Variants in VAMP7 observed in about 807,000 individuals in gnomAD.
VAMP7 encodes the protein vesicle-associated membrane protein 7.
VAMP7 carries 14 observed loss-of-function variants against 29.6 expected under a neutral mutation model. The ratio of observed to expected loss-of-function variants is 0.47; its 90% CI spans 0.31 to 0.74. The LOEUF (loss-of-function observed/expected upper bound fraction) is 0.74. Among genes scored for constraint, VAMP7 ranks in the 30% least tolerant of loss-of-function variants. The pLI is 0.05. For missense variants in VAMP7, 223 were observed against 262.4 expected (o/e 0.85, Z 1.04); for synonymous variants, 95 against 88.1 (o/e 1.08, Z -0.44).
intron 5 of VAMP7, among the ~76,000 whole-genome samples, chrX:155,909,650 G>T (rs368814245): frequency 2.1e-4 from 32 of 152,272 alleles, no homozygotes; most frequent in African/African-American, 7.7e-4. Context: ...TTAAACAACA[G>T]AAATTTATTT....
intron 5 of VAMP7, among the ~76,000 whole-genome samples, chrX:155,914,620 CAT>C (rs1331904852): frequency 3.3e-5 from 5 of 152,130 alleles, no homozygotes; most frequent in Admixed American, 3.3e-4. Flanking sequence ...TTGAGATAAT[CAT>C]GTGGTTTTTG....
chrX:155,884,923 A>G (rs1381956484), intron 1 of VAMP7, among the ~76,000 whole-genome samples: 2 of 152,292 alleles, frequency 1.3e-5, no homozygotes, highest in East Asian at 3.9e-4. Context: ...AATACAGGCA[A>G]TTTCTTACTT....
At chrX:155,932,269 A>G (rs1202371094) in intron 6 of VAMP7, among the ~76,000 whole-genome samples, 1 of 152,142 alleles carries the variant, frequency 6.6e-6, no homozygotes, top group East Asian at 1.9e-4. Context: ...CTTGATAGGG[A>G]TGGCATTGAA....
intron 5 of VAMP7, among the ~76,000 whole-genome samples, chrX:155,916,052 A>G (rs1472646578): frequency 6.6e-6 from 1 of 152,188 alleles, no homozygotes; most frequent in African/African-American, 2.4e-5. Context: ...TATTGGGTGC[A>G]TATATATTTA....
intron 6 of VAMP7, among the ~76,000 whole-genome samples, chrX:155,937,271 C>A (rs1313862692): frequency 6.6e-6 from 1 of 151,916 alleles, no homozygotes; most frequent in Non-Finnish European, 1.5e-5. Flanking sequence ...GGGTGGGAGA[C>A]CTGGAGAGAT....
At chrX:155,890,536 T>A (rs2065914910) in intron 2 of VAMP7, among the ~76,000 whole-genome samples, 1 of 151,960 alleles carries the variant, frequency 6.6e-6, no homozygotes, top group Admixed American at 6.6e-5. Flanking sequence ...AATTTTTGTA[T>A]TTTTAGTAGA....
intron 6 of VAMP7, among the ~76,000 whole-genome samples, chrX:155,936,143 G>T (rs767498956): frequency 2.6e-5 from 4 of 152,150 alleles, no homozygotes; most frequent in South Asian, 2.1e-4. Context: ...CTGCTTGGGG[G>T]TCAGGGACCC....
At chrX:155,908,526 G>T (rs892951105) in intron 5 of VAMP7, among the ~76,000 whole-genome samples, 33 of 152,158 alleles carry the variant, frequency 2.2e-4, no homozygotes, top group Non-Finnish European at 4.6e-4. Flanking sequence ...GAGGGAGACC[G>T]TGGAAAGAGA....
chrX:155,918,631 G>C (rs772158178), intron 5 of VAMP7, among the ~76,000 whole-genome samples: 9 of 152,228 alleles, frequency 5.9e-5, no homozygotes, highest in Admixed American at 4.6e-4. Context: ...CCCTCCGTGG[G>C]CTGCACCCAC....
At chrX:155,887,003 T>C (rs1280113266) in intron 1 of VAMP7, among the ~76,000 whole-genome samples, 3 of 152,192 alleles carry the variant, frequency 2.0e-5, no homozygotes, top group Non-Finnish European at 4.4e-5. Context: ...TTTCTCTTTG[T>C]GTTTTTGTTC....
intron 6 of VAMP7, among the ~76,000 whole-genome samples, chrX:155,935,132 C>G (rs2066629193): frequency 6.6e-6 from 1 of 152,038 alleles, no homozygotes; most frequent in Non-Finnish European, 1.5e-5. Context: ...CTGCCCTTAA[C>G]ATTTTTTCCT....
chrX:155,885,982 A>G (rs898814061), intron 1 of VAMP7, among the ~76,000 whole-genome samples: 3 of 152,210 alleles, frequency 2.0e-5, no homozygotes, highest in African/African-American at 7.2e-5. Context: ...GCAGGAATAA[A>G]GTAGAATTGG....
chrX:155,914,596 C>G (rs2066284382), intron 5 of VAMP7, among the ~76,000 whole-genome samples: 1 of 152,076 alleles, frequency 6.6e-6, no homozygotes, highest in East Asian at 1.9e-4. Flanking sequence ...TATCGAAGGC[C>G]TTTTCTGCAT....
In VAMP7 at chrX:155,942,142, T is replaced by C; in HGVS notation, c.*191T>C. The stretch of plus-strand genomic sequence containing the variant: ...TATCTACCAGTTTATTCCTGTGAAC[T>C]TCAGATTGAACCATTCATTGCAGCA... On this transcript the variant is annotated 3_prime_UTR_variant, in exon 8 of 8. Coordinates refer to ENST00000286448, the MANE Select transcript of VAMP7 (RefSeq NM_005638.6). 6.4e-7 allele frequency: 1 copy of C among 1,551,388 alleles called. No individual in the cohort carries two copies. Among genetic ancestry groups the C allele is most frequent in the Non-Finnish European group, 8.7e-7 (1 of 1,146,710 alleles).
intron 5 of VAMP7, among the ~76,000 whole-genome samples, chrX:155,906,460 C>T (rs2066149062): frequency 1.3e-5 from 2 of 152,134 alleles, no homozygotes; most frequent in South Asian, 4.2e-4. Context: ...GCCTTGACCC[C>T]TATTGCAGTA....
At chrX:155,912,579 C>T (rs1341305528) in intron 5 of VAMP7, among the ~76,000 whole-genome samples, 3 of 149,912 alleles carry the variant, frequency 2.0e-5, no homozygotes, top group Admixed American at 6.8e-5. Flanking sequence ...TCTCATTGTT[C>T]AACTCCCACT....
At chrX:155,919,637 A>T (rs1343304733) in intron 5 of VAMP7, among the ~76,000 whole-genome samples, 176 bp from the exon 6 acceptor site, 1 of 152,152 alleles carries the variant, frequency 6.6e-6, no homozygotes, top group African/African-American at 2.4e-5. Context: ...TTTGATGGGC[A>T]TGGGGATTTC....
intron 6 of VAMP7, among the ~76,000 whole-genome samples, chrX:155,924,179 T>C (rs898387120): frequency 1.3e-5 from 2 of 152,178 alleles, no homozygotes; most frequent in Non-Finnish European, 2.9e-5. Context: ...CTCTATTTGT[T>C]TTTTAACACT....
At position 155,899,460 on chromosome X, in the gene VAMP7, TA is replaced by T. The variant is rs946553807; in HGVS notation, c.343-1029del. On this transcript the variant is annotated intron_variant, in intron 4 of 7. Coordinates refer to ENST00000286448, the MANE Select transcript of VAMP7 (RefSeq NM_005638.6). The stretch of plus-strand genomic sequence containing the variant: ...TCTAGCTATGATTTTGTTGTGAGTT[TA>T]AAAAAAAGCTGTATTGTAATGGAAT... Among the ~76,000 whole-genome samples the T allele has an allele frequency of 2.0e-5, 3 of 151,716 alleles. No homozygotes were observed. The East Asian group carries it at 5.8e-4, about 29-fold the overall frequency.
Sources: gnomAD v4.1 joint callset for allele counts (sites outside exome capture counted in the v4.1 genomes callset) on GRCh38, gnomAD v4.1.1 for gene constraint, MANE v1.5 for transcripts, NCBI Gene and HGNC (gene_info 2026-07-23, HGNC 2026-07-21) for gene names.